MDN1: variants seen among roughly 807,000 people sequenced by gnomAD.
MDN1 encodes midasin.
MDN1 carries 266 observed loss-of-function variants against 669.2 expected under a neutral mutation model. That is an observed-to-expected ratio of 0.40 (90% CI 0.36 to 0.44). The LOEUF is 0.44. Ranked by LOEUF, MDN1 falls within the 20% of genes least tolerant of loss-of-function variation. The pLI is 1.00. For synonymous variants in MDN1, 2,385 were observed against 2,457.1 expected, an observed-to-expected ratio of 0.97 and a Z score of 0.87; for missense variants, 5,940 against 6,754.0, an observed-to-expected ratio of 0.88 and a Z score of 4.22.
rs979732675 is a variant in MDN1 at position 89,648,425 on chromosome 6, T to C, written c.16207-96A>G. On this transcript the variant is annotated intron_variant, in intron 97 of 101. Coordinates refer to ENST00000369393, the MANE Select transcript of MDN1 (RefSeq NM_014611.3). ...TGCATCAAGATTCCCAAAGAAAACA[T>C]TTTTTTGTTTGGCAAGTAGAGGAAT... 6 of 1,208,686 alleles carry C rather than the reference T, an allele frequency of 5.0e-6. No homozygotes were observed. In the African/African-American group the frequency reaches 7.5e-5, roughly 15 times the overall value. The allele number at this position is 1,208,686 out of a possible 1,614,324, so 74.9% of individuals were successfully genotyped here.
At chr6:89,749,780 T>C (rs1417817683) in intron 24 of MDN1, 29 bp from the exon 25 acceptor site, 1 of 1,511,688 alleles carries the variant, frequency 6.6e-7, no homozygotes, top group Non-Finnish European at 9.2e-7. Context: ...CAAGAACTAG[T>C]GTATAAATCA....
At chr6:89,774,563 C>T (rs1275984023) in intron 13 of MDN1, 58 bp downstream of exon 13, 2 of 1,277,252 alleles carry the variant, frequency 1.6e-6, no homozygotes, top group Admixed American at 1.7e-5. Context: ...TGAGCTAGAC[C>T]TTCTGTCAAG....
At chr6:89,816,954 G>A (rs1344763305) in intron 1 of MDN1, among the ~76,000 whole-genome samples, 1 of 152,078 alleles carries the variant, frequency 6.6e-6, no homozygotes, top group African/African-American at 2.4e-5. Context: ...GATTACAGGC[G>A]CGTGCCACTG....
At chr6:89,724,561 G>A (rs561044192) in intron 38 of MDN1, among the ~76,000 whole-genome samples, 78 of 152,190 alleles carry the variant, frequency 5.1e-4, no homozygotes, top group Non-Finnish European at 9.4e-4. Context: ...GGGATTACAG[G>A]CATGATCCAC....
At chr6:89,778,932 A>AAAT (rs202203285) in intron 11 of MDN1, among the ~76,000 whole-genome samples, 3 of 134,012 alleles carry the variant, frequency 2.2e-5, no homozygotes, top group Non-Finnish European at 3.1e-5. Flanking sequence ...ATAAATAAAT[A>AAAT]AAAAAAAAGG....
rs866267456 is a variant in MDN1, at chr6:89,738,453, C to T, written c.4596G>A (p.Leu1532=). Residue 1532 remains leucine (L), a splice_region_variant and synonymous_variant, in exon 33 of 102, where the codon CTG becomes CTA. Transcript: ENST00000369393. ...NPGGDFGKKE[L]SPALRNRFTE... is the part of the protein sequence containing the mutation. ...TAAACCGGTTTCTTAAGGCAGGAGACAGCTATAAGAAACACAAAACTTCAA... is the reference window on the plus strand; with the variant it reads ...TAAACCGGTTTCTTAAGGCAGGAGATAGCTATAAGAAACACAAAACTTCAA... 6.2e-7 allele frequency: 1 copy of T among 1,613,688 alleles called. No individual in the cohort carries two copies. The highest frequency in any genetic ancestry group is 1.6e-4 in the Middle Eastern group (1 of 6,062).
In MDN1 at chr6:89,683,840, T is replaced by G; in HGVS notation, c.11894A>C (p.Lys3965Thr). Residue 3965 changes from lysine to threonine, a missense_variant, in exon 72 of 102, where the codon AAG becomes ACG. This residue lies in a region of MDN1 where 2,280 missense variants were observed against 2,576.3 expected (regional missense o/e 0.88). Coordinates refer to ENST00000369393, the MANE Select transcript of MDN1 (RefSeq NM_014611.3). The part of the protein sequence containing the change: ...SFWSIKQSVE[K>T]THRTLFKFMK... ...TTAAAAGATGGATTACCTGTGTGTC[T>G]TTTCTACAGATTGCTTAATGGACCA... 6.2e-7 allele frequency: 1 copy of G among 1,613,036 alleles called. No individual in the cohort carries two copies. Among genetic ancestry groups the G allele is most frequent in the Non-Finnish European group, 8.5e-7 (1 of 1,179,256 alleles).
At chr6:89,707,021 C>G (rs754653873) in intron 52 of MDN1, among the ~76,000 whole-genome samples, 1 of 152,112 alleles carries the variant, frequency 6.6e-6, no homozygotes. Context: ...AGCTGACAGA[C>G]CTAGTTTTCA....
intron 62 of MDN1, 89 bp from the exon 63 acceptor site, chr6:89,693,237 G>A: frequency 1.2e-6 from 1 of 857,030 alleles, no homozygotes; most frequent in East Asian, 2.6e-5. Flanking sequence ...ACCGAAGGAA[G>A]AAACATCAGC....
chr6:89,687,520 G>C (rs1175943483), intron 67 of MDN1, 82 bp from the exon 68 acceptor site: 1 of 1,253,694 alleles, frequency 8.0e-7, no homozygotes, highest in Non-Finnish European at 1.1e-6. Flanking sequence ...CTTGAACTTT[G>C]CTTGAGTGAA....
Position 89,689,922 on chromosome 6 carries a change from C to G in MDN1, c.10971G>C (p.Leu3657=). ...GCGATGCCCCAGTCTGATAGCAAGA[C>G]AGAAACAGGCTGAGGTAATGCTTTG... is the stretch of plus-strand genomic sequence containing the variant. The part of the protein sequence containing the change: ...HEAKHYLSLF[L]SCYQTGASLV... Residue 3657 remains leucine, a synonymous_variant, in exon 65 of 102, where the codon CTG becomes CTC. Transcript: ENST00000369393. 1.9e-6 allele frequency: 3 copies of G among 1,614,216 alleles called. No homozygotes were observed. The highest frequency in any genetic ancestry group is 2.5e-6 in the Non-Finnish European group (3 of 1,180,032).
In MDN1 at chr6:89,763,349, A is replaced by AC. The variant is rs568831907; in HGVS notation, c.2145-820_2145-819insG. Reference sequence around the variant, plus strand: ...AGGGCACGCAAAAAAAAAAAAAAAAAAAAAAAAATCTTAGCTATTGCAATG... The same window carrying AC: ...AGGGCACGCAAAAAAAAAAAAAAAAACAAAAAAAATCTTAGCTATTGCAATG... On this transcript the variant is annotated intron_variant, in intron 15 of 101. Coordinates refer to ENST00000369393, the MANE Select transcript of MDN1 (RefSeq NM_014611.3). 7.2e-3 allele frequency among the ~76,000 whole-genome samples: 1,004 copies of AC among 139,198 alleles called. 4 individuals are homozygous for AC. The highest frequency in any genetic ancestry group is 0.025 in the Middle Eastern group (7 of 278). 91.3% of individuals were successfully genotyped at this position (139,198 alleles called of 152,430 possible). A position where few individuals can be genotyped will look rare whatever the true frequency, so the allele number is the denominator to read the frequency against.
intron 15 of MDN1, among the ~76,000 whole-genome samples, chr6:89,762,809 C>G (rs1817623725): frequency 6.6e-6 from 1 of 152,196 alleles, no homozygotes. Context: ...AACCCCAGCA[C>G]TTTGGGACAC....
chr6:89,695,557 C>T lies in MDN1; in HGVS notation c.9771+48G>A, dbSNP rs754943949. The T allele has an allele frequency of 2.6e-6, 4 of 1,533,566 alleles. No individual in the cohort carries two copies. The highest frequency in any genetic ancestry group is 4.0e-5 in the Admixed American group (2 of 49,704). The allele number at this position is 1,533,566 out of a possible 1,614,324, so 95.0% of individuals were successfully genotyped here. A position where few individuals can be genotyped will look rare whatever the true frequency, so the allele number is the denominator to read the frequency against. Reference sequence around the variant, plus strand: ...AAAGGAGTAATACAATAAGCAAACCCAGCACGTCAGGGAAGGAGCCCATGC... The same window carrying T: ...AAAGGAGTAATACAATAAGCAAACCTAGCACGTCAGGGAAGGAGCCCATGC... On this transcript the variant is annotated intron_variant, in intron 61 of 101. Coordinates refer to ENST00000369393, the MANE Select transcript of MDN1 (RefSeq NM_014611.3). The surrounding 1 kb of genome is among the most constrained non-coding windows in gnomAD (Gnocchi z 4.1).
rs1482501704 is a variant in MDN1 at position 89,670,166 on chromosome 6, A to ATT, written c.13956+752_13956+753insAA. Among the ~76,000 whole-genome samples, 47 of 17,708 alleles carry ATT rather than the reference A, an allele frequency of 2.7e-3. No homozygotes were observed. In the East Asian group the frequency reaches 0.033, roughly 12 times the overall value. 11.6% of individuals were successfully genotyped at this position (17,708 alleles called of 152,430 possible). On this transcript the variant is annotated intron_variant, in intron 83 of 101. Transcript: ENST00000369393. ...TATATATATATATATATATATATAT[A>ATT]TATATTTTTTTTTTTTTTTTTTTTG...
At chr6:89,688,348 C>T (rs1056256537) in intron 66 of MDN1, among the ~76,000 whole-genome samples, 175 bp from the exon 67 acceptor site, 23 of 152,020 alleles carry the variant, frequency 1.5e-4, no homozygotes, top group African/African-American at 5.6e-4. Context: ...CAACTCCTGA[C>T]CAACAAATAA....
chr6:89,807,080 C>T (rs1394632665), intron 1 of MDN1, among the ~76,000 whole-genome samples: 1 of 151,720 alleles, frequency 6.6e-6, no homozygotes, highest in Non-Finnish European at 1.5e-5. Context: ...CTTAAGCAAA[C>T]ATTGTTTTGT....
chr6:89,662,127 C>T lies in MDN1; in HGVS notation c.14525G>A (p.Gly4842Asp). The change falls in exon 87 of 102, where the codon GGT (glycine) becomes GAT (aspartate). Residue 4842 changes from glycine to aspartate, a missense_variant. This residue lies in a region of MDN1 where 2,280 missense variants were observed against 2,576.3 expected (regional missense o/e 0.88). Transcript: ENST00000369393. ...ATTAATTTTGTCTTCACCTTGTCCA[C>T]CATCATCAGCTTCTGCTTCTTCCTT... Reference protein sequence around the residue: ...EEKEEAEADDGGQGEDKINEQ... With the variant: ...EEKEEAEADDDGQGEDKINEQ... The T allele has an allele frequency of 6.2e-7, 1 of 1,613,626 alleles. No homozygotes were observed. The highest frequency in any genetic ancestry group is 8.5e-7 in the Non-Finnish European group (1 of 1,179,906).
At chr6:89,747,943 T>C (rs1042004552) in intron 26 of MDN1, among the ~76,000 whole-genome samples, 38 of 143,438 alleles carry the variant, frequency 2.6e-4, no homozygotes, top group Non-Finnish European at 6.2e-5. Context: ...TAACTTGTAA[T>C]ATTCTGAGGA....
Sources: gnomAD v4.1 joint callset for allele counts (sites outside exome capture counted in the v4.1 genomes callset) on GRCh38, gnomAD v4.1.1 for gene constraint, gnomAD v4.1.1 regional missense constraint, Gnocchi (gnomAD v3.1) non-coding constraint, MANE v1.5 for transcripts, NCBI Gene and HGNC (gene_info 2026-07-23, HGNC 2026-07-21) for gene names.